ARFGEF1: variants seen among roughly 807,000 people sequenced by gnomAD.
ARFGEF1 encodes ARF guanine nucleotide exchange factor 1, also known as brefeldin A-inhibited guanine nucleotide-exchange protein 1.
In ARFGEF1, 42 loss-of-function variants were observed where a neutral mutation model predicts 231.0. The observed-to-expected ratio is 0.18, with a 90% CI of 0.14 to 0.24. The LOEUF is 0.24. Among genes scored for constraint, ARFGEF1 ranks in the 10% least tolerant of loss-of-function variants. The pLI is 1.00. For synonymous variants in ARFGEF1, 710 were observed against 732.3 expected (o/e 0.97, Z 0.49); for missense variants, 1,345 against 2,192.0 (o/e 0.61, Z 7.72).
chr8:67,211,345 CAAAAAAAA>C, intron 34 of ARFGEF1, 130 bp downstream of exon 34: 2 of 240,792 alleles, frequency 8.3e-6, no homozygotes, highest in Non-Finnish European at 6.3e-6. Context: ...AACTCCGTCT[CAAAAAAAA>C]AAAAAAAAAA....
rs1027930662 is a variant in ARFGEF1 at position 67,343,500 on chromosome 8, G to A, written c.-213C>T. The A allele has an allele frequency of 3.1e-5, 39 of 1,265,846 alleles. No homozygotes were observed. Among genetic ancestry groups the A allele is most frequent in the Non-Finnish European group, 3.1e-5 (31 of 1,001,678 alleles). The allele number at this position is 1,265,846 out of a possible 1,614,324, so 78.4% of individuals were successfully genotyped here. ...GCGTCGAGGTCCTCGCCGCCCCCAA[G>A]AAGCCGTACCTCGAGGGCCGCGCCC... On this transcript the variant is annotated 5_prime_UTR_variant, in exon 1 of 39. Transcript: ENST00000262215.
intron 1 of ARFGEF1, among the ~76,000 whole-genome samples, chr8:67,339,185 C>G (rs1808484681): frequency 6.6e-6 from 1 of 151,998 alleles, no homozygotes; most frequent in Admixed American, 6.5e-5. Context: ...AAATTCATAC[C>G]CTGTCTGATG....
At chr8:67,214,536 T>C (rs1302687530) in intron 33 of ARFGEF1, among the ~76,000 whole-genome samples, 1 of 152,120 alleles carries the variant, frequency 6.6e-6, no homozygotes, top group Non-Finnish European at 1.5e-5. Flanking sequence ...AATTAGGAAA[T>C]GAATTGTTAG....
At chr8:67,223,984 C>T (rs556807514) in intron 29 of ARFGEF1, among the ~76,000 whole-genome samples, 4 of 152,226 alleles carry the variant, frequency 2.6e-5, no homozygotes, top group Admixed American at 6.5e-5. Context: ...CTATTTCATA[C>T]GAATTTCTGT....
In ARFGEF1 at chr8:67,258,260, C is replaced by T. The variant is rs751473980; in HGVS notation, c.2266G>A (p.Asp756Asn). The change falls in exon 16 of 39, where the codon GAT becomes AAT. Residue 756 changes from aspartate (D) to asparagine (N), a missense_variant. Physicochemically the swap from Asp to Asn is conservative, Grantham distance 23 (BLOSUM62 1). Around this residue, in one of 14 missense-constraint regions of ARFGEF1, gnomAD observed 105 missense variants for 159.3 expected, o/e 0.66. Coordinates refer to ENST00000262215, the MANE Select transcript of ARFGEF1 (RefSeq NM_006421.5). ...TACATGACTTCTTTGTTAAATTTAT[C>T]ATTATCTCCCAGGAACTCACCCACT... is the stretch of plus-strand genomic sequence containing the variant. ...TQVGEFLGDN[D>N]KFNKEVMYAY... is the part of the protein sequence containing the mutation. 3.1e-6 allele frequency: 5 copies of T among 1,606,730 alleles called. No homozygotes were observed. In the Admixed American group the frequency reaches 8.3e-5, roughly 27 times the overall value.
At chr8:67,338,303 T>C (rs745957480) in intron 1 of ARFGEF1, among the ~76,000 whole-genome samples, 8 of 152,182 alleles carry the variant, frequency 5.3e-5, no homozygotes, top group Non-Finnish European at 7.3e-5. Context: ...TTCTAGAAGA[T>C]GGTCTCACCA....
At chr8:67,293,167 C>A (rs1318855252) in intron 5 of ARFGEF1, among the ~76,000 whole-genome samples, 2 of 152,134 alleles carry the variant, frequency 1.3e-5, no homozygotes, top group African/African-American at 4.8e-5. Context: ...CTCTTTTCCA[C>A]CTTTTCTATA....
intron 1 of ARFGEF1, among the ~76,000 whole-genome samples, chr8:67,313,003 A>G (rs77116144): frequency 0.041 from 6,272 of 152,298 alleles, 280 homozygotes; most frequent in African/African-American, 0.1. Flanking sequence ...AATGGACAAC[A>G]AAAAACAGAG....
chr8:67,222,154 C>T (rs1839187971), intron 29 of ARFGEF1, among the ~76,000 whole-genome samples: 1 of 139,168 alleles, frequency 7.2e-6, no homozygotes, highest in Middle Eastern at 3.5e-3. Context: ...TTTACTGTAC[C>T]TTTTCCATGC....
downstream of ARFGEF1, chr8:67,195,457 C>T (rs1295771126): frequency 6.2e-7 from 1 of 1,614,058 alleles, no homozygotes; most frequent in African/African-American, 1.3e-5. Flanking sequence ...TCTGTAGCAA[C>T]TGAGCCCTGG....
intron 23 of ARFGEF1, among the ~76,000 whole-genome samples, chr8:67,232,520 CACA>C (rs1839587024): frequency 6.6e-6 from 1 of 151,968 alleles, no homozygotes; most frequent in Non-Finnish European, 1.5e-5. Flanking sequence ...AAATAAACTA[CACA>C]ACATTTTCAA....
chr8:67,332,440 A>G (rs1309564980), intron 1 of ARFGEF1, among the ~76,000 whole-genome samples: 1 of 152,222 alleles, frequency 6.6e-6, no homozygotes, highest in East Asian at 1.9e-4. Flanking sequence ...AAATGGCTTA[A>G]ATTACTGACA....
intron 19 of ARFGEF1, among the ~76,000 whole-genome samples, chr8:67,248,842 T>C (rs1465343881): frequency 1.3e-5 from 2 of 150,542 alleles, no homozygotes; most frequent in Non-Finnish European, 2.9e-5. Flanking sequence ...ACAGGTGTTG[T>C]CTGTTGAAAC....
chr8:67,335,020 G>A (rs1808277629), intron 1 of ARFGEF1, among the ~76,000 whole-genome samples: 1 of 151,496 alleles, frequency 6.6e-6, no homozygotes, highest in African/African-American at 2.4e-5. Flanking sequence ...AAATACTATA[G>A]TATGTAAATC....
At chr8:67,221,806 CTTTT>C in intron 29 of ARFGEF1, among the ~76,000 whole-genome samples, 1 of 147,064 alleles carries the variant, frequency 6.8e-6, no homozygotes, top group East Asian at 2.0e-4. Context: ...TTTGTTGTTG[CTTTT>C]TTTTTTCTTT....
intron 6 of ARFGEF1, among the ~76,000 whole-genome samples, chr8:67,288,560 C>A (rs924703881): frequency 2.2e-4 from 34 of 152,002 alleles, no homozygotes; most frequent in Non-Finnish European, 2.1e-4. Context: ...TGGTGAAACC[C>A]CATCTCTACT....
At chr8:67,245,750 A>G (rs1395075124) in intron 19 of ARFGEF1, among the ~76,000 whole-genome samples, 1 of 150,498 alleles carries the variant, frequency 6.6e-6, no homozygotes, top group Non-Finnish European at 1.5e-5. Flanking sequence ...GTCTTTATCA[A>G]TAGTCACACT....
intron 5 of ARFGEF1, among the ~76,000 whole-genome samples, chr8:67,293,280 C>T (rs375213361): frequency 4.6e-5 from 7 of 152,080 alleles, no homozygotes; most frequent in African/African-American, 9.7e-5. Flanking sequence ...CTCTTTGCCT[C>T]AAATGTTCCT....
chr8:67,294,841 A>G (rs1806161895), intron 5 of ARFGEF1, among the ~76,000 whole-genome samples: 2 of 152,174 alleles, frequency 1.3e-5, no homozygotes, highest in Non-Finnish European at 2.9e-5. Context: ...GAATACAACT[A>G]GCACTCAGAT....
Sources: allele counts gnomAD v4.1 joint callset (sites outside exome capture counted in the v4.1 genomes callset), GRCh38; gene constraint gnomAD v4.1.1; regional missense constraint gnomAD v4.1.1; transcripts MANE v1.5; gene names NCBI Gene and HGNC (gene_info 2026-07-23, HGNC 2026-07-21).